UTRN: variants seen among roughly 807,000 people sequenced by gnomAD.
UTRN encodes dystrophin-related protein 1.
UTRN carries 283 observed loss-of-function variants against 463.9 expected under a neutral mutation model. That is an observed-to-expected ratio of 0.61 (90% CI 0.55 to 0.67). The LOEUF is 0.67. UTRN is among the 30% of genes least tolerant of loss of function. UTRN has a pLI of 0.00. For synonymous variants in UTRN, 1,442 were observed against 1,431.5 expected, an observed-to-expected ratio of 1.01 and a Z score of -0.17; for missense variants, 3,922 against 4,084.3, an observed-to-expected ratio of 0.96 and a Z score of 1.08.
intron 34 of UTRN, among the ~76,000 whole-genome samples, chr6:144,503,285 T>A (rs1194607754): frequency 6.6e-6 from 1 of 152,234 alleles, no homozygotes; most frequent in African/African-American, 2.4e-5. Flanking sequence ...TGGCTTTTGT[T>A]GCCGTTGCTT....
chr6:144,542,700 CA>C, intron 45 of UTRN, 94 bp from the exon 46 acceptor site: 1 of 1,265,618 alleles, frequency 7.9e-7, no homozygotes, highest in South Asian at 1.4e-5. Context: ...AGAAAAGTAG[CA>C]GAGCTGCCAT....
intron 17 of UTRN, 49 bp from the exon 18 acceptor site, chr6:144,451,321 A>C: frequency 6.3e-7 from 1 of 1,577,898 alleles, no homozygotes; most frequent in African/African-American, 1.4e-5. Flanking sequence ...AGTCAAGTAA[A>C]ACAGTAGAAG....
At chr6:144,414,066 G>T (rs894276933) in intron 3 of UTRN, among the ~76,000 whole-genome samples, 1 of 151,954 alleles carries the variant, frequency 6.6e-6, no homozygotes, top group Non-Finnish European at 1.5e-5. Flanking sequence ...CTCCCAAAGT[G>T]CTGGGATTGC....
At chr6:144,690,095 T>TTTTTTGTG (rs59704043) in intron 52 of UTRN, among the ~76,000 whole-genome samples, 6 of 33,444 alleles carry the variant, frequency 1.8e-4, no homozygotes, top group Admixed American at 6.8e-4. Flanking sequence ...TTTTTTTTTT[T>TTTTTTGTG]TGTGTGTGTG....
intron 2 of UTRN, among the ~76,000 whole-genome samples, chr6:144,397,372 T>G (rs1584604341): frequency 6.6e-6 from 1 of 152,146 alleles, no homozygotes; most frequent in Non-Finnish European, 1.5e-5. Context: ...AGTGGATGGG[T>G]CATTGGGTCA....
intron 58 of UTRN, among the ~76,000 whole-genome samples, chr6:144,761,491 CA>C (rs1421972843): frequency 6.6e-6 from 1 of 151,734 alleles, no homozygotes; most frequent in African/African-American, 2.4e-5. Flanking sequence ...CCCATCTCTA[CA>C]AAAAATTAGC....
rs151090313 is a variant in UTRN, at chr6:144,810,957, G to A, written c.9357+7810G>A. Among the ~76,000 whole-genome samples, 254 of 152,180 alleles carry A rather than the reference G, an allele frequency of 1.7e-3. 1 individual carries two copies. Among genetic ancestry groups the A allele is most frequent in the African/African-American group, 5.9e-3 (245 of 41,528 alleles). ...AAATACAGTTGTTTTAAAAGCAAGAGGTTCAACTGTATTCTTGTTGATATT... is the reference window on the plus strand; with the variant it reads ...AAATACAGTTGTTTTAAAAGCAAGAAGTTCAACTGTATTCTTGTTGATATT... On this transcript the variant is annotated intron_variant, in intron 65 of 74. Coordinates refer to ENST00000367545, the MANE Select transcript of UTRN (RefSeq NM_007124.3).
intron 52 of UTRN, among the ~76,000 whole-genome samples, chr6:144,689,249 G>T (rs546464347): frequency 7.2e-5 from 11 of 152,286 alleles, no homozygotes; most frequent in Middle Eastern, 3.4e-3. Flanking sequence ...CCAAGCTCCT[G>T]TGGGAGCAGC....
chr6:144,407,074 C>G (rs1783486865), intron 3 of UTRN, among the ~76,000 whole-genome samples: 1 of 151,908 alleles, frequency 6.6e-6, no homozygotes, highest in Non-Finnish European at 1.5e-5. Context: ...AGCTCCCAGA[C>G]TAGGGTAGAT....
At chr6:144,543,358 T>A (rs1798141623) in intron 46 of UTRN, among the ~76,000 whole-genome samples, 1 of 152,230 alleles carries the variant, frequency 6.6e-6, no homozygotes, top group Admixed American at 6.5e-5. Context: ...CAAATACTTC[T>A]CACTTGGATG....
At chr6:144,529,023 C>G (rs1328979261) in intron 41 of UTRN, among the ~76,000 whole-genome samples, 1 of 152,106 alleles carries the variant, frequency 6.6e-6, no homozygotes, top group Non-Finnish European at 1.5e-5. Context: ...GAGTTATGTT[C>G]CCAGGGGGAT....
intron 53 of UTRN, among the ~76,000 whole-genome samples, chr6:144,715,761 T>C (rs1786364531): frequency 6.7e-6 from 1 of 148,974 alleles, no homozygotes; most frequent in South Asian, 2.2e-4. Flanking sequence ...CAATGACTTA[T>C]TTTCTATGTC....
At chr6:144,461,417 T>C in intron 22 of UTRN, 75 bp downstream of exon 22, 1 of 1,340,368 alleles carries the variant, frequency 7.5e-7, no homozygotes, top group Non-Finnish European at 9.7e-7. Context: ...AAATGTTTTT[T>C]CAGAGATTAA....
At chr6:144,295,812 C>T (rs1357998080) in intron 2 of UTRN, among the ~76,000 whole-genome samples, 1 of 152,186 alleles carries the variant, frequency 6.6e-6, no homozygotes, top group African/African-American at 2.4e-5. Flanking sequence ...CGCCATTTTG[C>T]AGATGATAAA....
intron 61 of UTRN, among the ~76,000 whole-genome samples, chr6:144,782,614 T>TTA (rs2128738987): frequency 1.4e-5 from 2 of 139,048 alleles, no homozygotes; most frequent in East Asian, 4.4e-4. Flanking sequence ...TGCATAGTGG[T>TTA]TATGTGTGTG....
intron 73 of UTRN, among the ~76,000 whole-genome samples, chr6:144,844,342 C>G (rs965775736): frequency 6.6e-6 from 1 of 151,296 alleles, no homozygotes; most frequent in East Asian, 1.9e-4. Context: ...GATCTCAGGT[C>G]TGTATAACCT....
chr6:144,755,557 T>C (rs1277655399), intron 57 of UTRN, among the ~76,000 whole-genome samples: 1 of 152,170 alleles, frequency 6.6e-6, no homozygotes, highest in African/African-American at 2.4e-5. Flanking sequence ...TTTCCTCTGA[T>C]TGTTTTGAGA....
At chr6:144,696,575 CT>C (rs1784023188) in intron 52 of UTRN, among the ~76,000 whole-genome samples, 2 of 152,116 alleles carry the variant, frequency 1.3e-5, no homozygotes, top group African/African-American at 4.8e-5. Context: ...TAGGAACAAT[CT>C]TTTAAAGTTA....
At position 144,668,089 on chromosome 6, in the gene UTRN, A is replaced by C. The variant is rs982745015; in HGVS notation, c.7480-10317A>C. Among the ~76,000 whole-genome samples, 4 of 152,198 alleles carry C rather than the reference A, an allele frequency of 2.6e-5. 1 individual carries two copies. The highest frequency in any genetic ancestry group is 9.7e-5 in the African/African-American group (4 of 41,440). ...ATAAATCTTGCAGGAGCTGTCTATT[A>C]AACTTTGTGTTCATCTCACCCAGTC... On this transcript the variant is annotated intron_variant, in intron 51 of 74. Coordinates refer to ENST00000367545, the MANE Select transcript of UTRN (RefSeq NM_007124.3).
Sources: allele counts gnomAD v4.1 joint callset (sites outside exome capture counted in the v4.1 genomes callset), GRCh38; gene constraint gnomAD v4.1.1; transcripts MANE v1.5; gene names NCBI Gene and HGNC (gene_info 2026-07-23, HGNC 2026-07-21).